The following DEK variants were observed in gnomAD, a reference collection of about 807,000 sequenced individuals.
DEK encodes the protein protein DEK.
Under a neutral mutation model 46.8 loss-of-function variants are expected in DEK, and 28 were observed. The observed-to-expected ratio is 0.60, with a 90% confidence interval of 0.44 to 0.82. The LOEUF is 0.82. Ranked by LOEUF, DEK falls within the 40% of genes least tolerant of loss-of-function variation. The probability of loss-of-function intolerance (pLI) is 0.00; values close to 1 mark genes in which losing one functional copy is unlikely to be tolerated. For missense variants in DEK, 416 were observed against 430.6 expected (o/e 0.97, Z 0.30); for synonymous variants, 160 against 144.5 (o/e 1.11, Z -0.77).
At position 18,249,695 on chromosome 6, in the gene DEK, T is replaced by C; in HGVS notation, c.718A>G (p.Lys240Glu). Residue 240 changes from lysine to glutamate, a missense_variant, in exon 7 of 11, where the codon AAG becomes GAG. By Grantham distance (56) the Lys-to-Glu change is moderately conservative. Coordinates refer to ENST00000652689, the MANE Select transcript of DEK (RefSeq NM_003472.4). ...TCTTCATCATCTGAAGACTCTTCCT[T>C]GTTTTTCTTTTCATCTTCATCACTA... ...SSSDEDEKKN[K>E]EESSDDEDKE... The C allele has an allele frequency of 6.2e-7, 1 of 1,604,146 alleles. No individual in the cohort carries two copies. The highest frequency in any genetic ancestry group is 8.5e-7 in the Non-Finnish European group (1 of 1,177,472).
intron 7 of DEK, among the ~76,000 whole-genome samples, chr6:18,237,979 C>G (rs1188858099): frequency 1.3e-5 from 2 of 150,932 alleles, no homozygotes; most frequent in Non-Finnish European, 2.9e-5. Flanking sequence ...GCGAATTCTC[C>G]TGTCTCTGCC....
In DEK at chr6:18,228,998, C is replaced by A. The variant is rs553255859; in HGVS notation, c.1048-2756G>T. ...TGAGTGGCCTAACTGGGAGACACCT[C>A]CCAGTAGGAGCTGACTGACACCTCA... On this transcript the variant is annotated intron_variant, in intron 9 of 10. Transcript: ENST00000652689. Among the ~76,000 whole-genome samples the A allele has an allele frequency of 3.3e-5, 5 of 152,214 alleles. No individual in the cohort carries two copies. In the South Asian group the frequency reaches 1.0e-3, roughly 31 times the overall value.
intron 9 of DEK, among the ~76,000 whole-genome samples, chr6:18,230,173 A>C (rs1454295076): frequency 6.6e-6 from 1 of 152,184 alleles, no homozygotes; most frequent in African/African-American, 2.4e-5. Context: ...CAGACAAGCA[A>C]ATGCTGAGAG....
intron 7 of DEK, 124 bp downstream of exon 7, chr6:18,249,527 A>T (rs553303430): frequency 2.2e-6 from 3 of 1,360,682 alleles, no homozygotes; most frequent in Non-Finnish European, 2.9e-6. Context: ...ATACTTAATC[A>T]TTTCTGCATC....
chr6:18,250,567 C>A (rs1447344059), intron 6 of DEK, among the ~76,000 whole-genome samples: 4 of 114,452 alleles, frequency 3.5e-5, no homozygotes, highest in African/African-American at 1.3e-4. Context: ...GGGAGAAAAA[C>A]CTTTTTTTTT....
rs1334744668 is a variant in DEK at position 18,223,920 on chromosome 6, GAAC to G, written c.*1796_*1798del. On this transcript the variant is annotated 3_prime_UTR_variant, in exon 11 of 11. Coordinates refer to ENST00000652689, the MANE Select transcript of DEK (RefSeq NM_003472.4). Reference sequence around the variant, plus strand: ...CGTACTCATCAAGAACTTTCATACAGAACAACTCCATTTCCTCACTTCCAAATA... The same window carrying G: ...CGTACTCATCAAGAACTTTCATACAGAACTCCATTTCCTCACTTCCAAATA... 1.3e-5 allele frequency: 2 copies of G among 152,170 alleles called. No homozygotes were observed. The highest frequency in any genetic ancestry group is 6.5e-5 in the Admixed American group (1 of 15,268). The allele number at this position is 152,170 out of a possible 1,614,324, so 9.4% of individuals were successfully genotyped here. A position where few individuals can be genotyped will look rare whatever the true frequency, so the allele number is the denominator to read the frequency against.
chr6:18,258,086 T>C, intron 3 of DEK, 24 bp from the exon 4 acceptor site: 2 of 1,478,094 alleles, frequency 1.4e-6, no homozygotes, highest in Middle Eastern at 1.8e-4. Context: ...AAAATCACAA[T>C]TAAATACCTA....
At chr6:18,235,155 G>C (rs1790593382) in intron 9 of DEK, among the ~76,000 whole-genome samples, 1 of 152,012 alleles carries the variant, frequency 6.6e-6, no homozygotes, top group Non-Finnish European at 1.5e-5. Flanking sequence ...AATGTTTCTA[G>C]GATAACTTTT....
At chr6:18,255,462 C>T (rs561484419) in intron 6 of DEK, among the ~76,000 whole-genome samples, 3 of 152,358 alleles carry the variant, frequency 2.0e-5, no homozygotes, top group Admixed American at 2.0e-4. Context: ...ATACCTAACC[C>T]TGACTACTAG....
At chr6:18,249,946 T>C (rs1292603894) in intron 6 of DEK, 107 bp from the exon 7 acceptor site, 8 of 1,421,896 alleles carry the variant, frequency 5.6e-6, no homozygotes, top group Non-Finnish European at 7.4e-6. Flanking sequence ...CAAGAAATTG[T>C]ATTTACAAGC....
intron 7 of DEK, among the ~76,000 whole-genome samples, chr6:18,240,997 A>C (rs1377491180): frequency 1.3e-5 from 2 of 152,214 alleles, no homozygotes; most frequent in Non-Finnish European, 2.9e-5. Flanking sequence ...TATCTTTAGC[A>C]ACCAGCTGTA....
Position 18,225,507 on chromosome 6 carries a change from T to A in DEK, c.*212A>T. On this transcript the variant is annotated 3_prime_UTR_variant, in exon 11 of 11. Coordinates refer to ENST00000652689, the MANE Select transcript of DEK (RefSeq NM_003472.4). ...TAAAAGCAAGGAACAATTAATGCCATGCAAGATTTTAAACTAAAAATGGCA... is the reference window on the plus strand; with the variant it reads ...TAAAAGCAAGGAACAATTAATGCCAAGCAAGATTTTAAACTAAAAATGGCA... 1 of 485,398 alleles carries A rather than the reference T, an allele frequency of 2.1e-6. No homozygotes were observed. The highest frequency in any genetic ancestry group is 3.6e-6 in the Non-Finnish European group (1 of 274,886). 30.1% of individuals were successfully genotyped at this position (485,398 alleles called of 1,614,324 possible). A position where few individuals can be genotyped will look rare whatever the true frequency, so the allele number is the denominator to read the frequency against.
At chr6:18,253,224 G>A (rs2151091141) in intron 6 of DEK, among the ~76,000 whole-genome samples, 1 of 151,954 alleles carries the variant, frequency 6.6e-6, no homozygotes, top group Non-Finnish European at 1.5e-5. Flanking sequence ...GAACAAATAT[G>A]GCTAACTCAG....
At chr6:18,234,015 G>T (rs1170960772) in intron 9 of DEK, among the ~76,000 whole-genome samples, 5 of 152,006 alleles carry the variant, frequency 3.3e-5, no homozygotes, top group Non-Finnish European at 5.9e-5. Flanking sequence ...CCATAAAAAA[G>T]GATGAGTTCA....
intron 7 of DEK, among the ~76,000 whole-genome samples, chr6:18,244,850 ATAGTT>A (rs1400192244): frequency 6.6e-6 from 1 of 152,222 alleles, no homozygotes; most frequent in African/African-American, 2.4e-5. Flanking sequence ...AGAGGAAGAG[ATAGTT>A]TAGTTTTCTA....
intron 7 of DEK, among the ~76,000 whole-genome samples, chr6:18,242,523 G>A (rs1415525704): frequency 1.3e-5 from 2 of 152,178 alleles, no homozygotes; most frequent in Admixed American, 6.5e-5. Context: ...GTTCTGAGTA[G>A]TGTGATGAAA....
chr6:18,229,166 C>T, intron 9 of DEK, among the ~76,000 whole-genome samples: 1 of 152,218 alleles, frequency 6.6e-6, no homozygotes. Flanking sequence ...AGACCTGCAG[C>T]TGAGGGTCCT....
chr6:18,250,780 C>T (rs958817802), intron 6 of DEK, among the ~76,000 whole-genome samples: 1 of 151,686 alleles, frequency 6.6e-6, no homozygotes, highest in Admixed American at 6.6e-5. Flanking sequence ...CAGGCATGAG[C>T]CACCACGCCT....
chr6:18,242,320 C>T (rs1036156080), intron 7 of DEK, among the ~76,000 whole-genome samples: 5 of 152,144 alleles, frequency 3.3e-5, no homozygotes, highest in Non-Finnish European at 7.3e-5. Flanking sequence ...ATCGATCGTG[C>T]CACTGTACCC....
Sources: gnomAD v4.1 joint callset for allele counts (sites outside exome capture counted in the v4.1 genomes callset) on GRCh38, gnomAD v4.1.1 for gene constraint, MANE v1.5 for transcripts, NCBI Gene and HGNC (gene_info 2026-07-23, HGNC 2026-07-21) for gene names.